ENOX2: variants seen among roughly 807,000 people sequenced by gnomAD.
ENOX2 encodes the protein APK1 antigen.
A neutral mutation model predicts 45.0 loss-of-function variants in ENOX2; 36 were observed. That is an observed-to-expected ratio of 0.80 (90% CI 0.61 to 1.06). The LOEUF is 1.06. Among genes scored for constraint, ENOX2 ranks in the 50% least tolerant of loss-of-function variants. The pLI, the probability that ENOX2 is intolerant of heterozygous loss-of-function variation, is 0.00. For missense variants in ENOX2, 423 were observed against 462.5 expected (o/e 0.91, Z 0.78); for synonymous variants, 174 against 152.3 (o/e 1.14, Z -1.05).
intron 3 of ENOX2, among the ~76,000 whole-genome samples, chrX:130,725,411 G>A (rs2038581639): frequency 9.4e-6 from 1 of 106,858 alleles, no homozygotes; most frequent in East Asian, 3.0e-4. Flanking sequence ...ATAACATGGA[G>A]CTCTCCCTTC....
intron 3 of ENOX2, among the ~76,000 whole-genome samples, chrX:130,782,899 G>T (rs974008014): frequency 1.8e-5 from 2 of 111,232 alleles, no homozygotes; most frequent in African/African-American, 6.5e-5. Context: ...GAGGGATTGG[G>T]GTAGGAGAAA....
intron 2 of ENOX2, among the ~76,000 whole-genome samples, chrX:130,869,707 C>T (rs1297783351): frequency 8.9e-6 from 1 of 112,065 alleles, no homozygotes; most frequent in African/African-American, 3.2e-5. Context: ...TTCCCTCTGA[C>T]TGAAATTCTT....
At chrX:130,778,824 C>A (rs913670864) in intron 3 of ENOX2, among the ~76,000 whole-genome samples, 21 of 112,302 alleles carry the variant, frequency 1.9e-4, no homozygotes, top group African/African-American at 6.1e-4. Context: ...TCAACCCAGG[C>A]TTATAGAGAA....
At chrX:130,630,548 T>C (rs2035670984) in intron 13 of ENOX2, among the ~76,000 whole-genome samples, 3 of 111,481 alleles carry the variant, frequency 2.7e-5, no homozygotes, top group African/African-American at 9.8e-5. Context: ...TACATCAAGA[T>C]GCGCACCCAA....
At chrX:130,756,288 C>G (rs963847591) in intron 3 of ENOX2, among the ~76,000 whole-genome samples, 5 of 112,242 alleles carry the variant, frequency 4.5e-5, no homozygotes, top group Non-Finnish European at 7.5e-5. Context: ...GGATATTGTA[C>G]TTTGCTTCAA....
intron 2 of ENOX2, among the ~76,000 whole-genome samples, chrX:130,857,474 C>G (rs773759086): frequency 8.9e-6 from 1 of 112,247 alleles, no homozygotes; most frequent in Non-Finnish European, 1.9e-5. Context: ...GTTCTAAGGG[C>G]TGTGAGGAAA....
At chrX:130,740,762 G>A (rs1229594736) in intron 3 of ENOX2, among the ~76,000 whole-genome samples, 1 of 112,097 alleles carries the variant, frequency 8.9e-6, no homozygotes, top group African/African-American at 3.2e-5. Flanking sequence ...AGGGCTGTCT[G>A]CCTTTCATAA....
chrX:130,651,875 T>C (rs919027393), intron 10 of ENOX2, among the ~76,000 whole-genome samples: 3 of 111,569 alleles, frequency 2.7e-5, no homozygotes, highest in Non-Finnish European at 1.9e-5. Context: ...TGAATATGGA[T>C]CCCTTCCCTT....
chrX:130,885,018 A>G lies in ENOX2; in HGVS notation c.-183+16666T>C, dbSNP rs764943333. Among the ~76,000 whole-genome samples, 8 of 112,338 alleles carry G rather than the reference A, an allele frequency of 7.1e-5. No homozygotes were observed. The East Asian group carries it at 2.0e-3, about 27-fold the overall frequency. ...ATAGACAACATTTTGCTTCCCCAAA[A>G]TTTCACAAAGCTCTACTTTCATTCA... On this transcript the variant is annotated intron_variant, in intron 2 of 14. Transcript: ENST00000394363.
intron 3 of ENOX2, among the ~76,000 whole-genome samples, chrX:130,731,373 G>A (rs2038734988): frequency 8.9e-6 from 1 of 112,023 alleles, no homozygotes; most frequent in South Asian, 3.7e-4. Context: ...TAGTTTTGGA[G>A]ATGTGGATAG....
intron 2 of ENOX2, among the ~76,000 whole-genome samples, chrX:130,852,891 A>C (rs771147008): frequency 1.8e-5 from 2 of 111,556 alleles, no homozygotes; most frequent in South Asian, 3.8e-4. Flanking sequence ...ATTACAACAA[A>C]AAAAATATAT....
At chrX:130,881,022 G>GA (rs1390246440) in intron 2 of ENOX2, among the ~76,000 whole-genome samples, 1 of 112,364 alleles carries the variant, frequency 8.9e-6, no homozygotes, top group Non-Finnish European at 1.9e-5. Flanking sequence ...ACCTGTAAGA[G>GA]AATTACTCCT....
chrX:130,700,457 G>T (rs1291277814), intron 4 of ENOX2, among the ~76,000 whole-genome samples: 2 of 111,956 alleles, frequency 1.8e-5, no homozygotes, highest in African/African-American at 6.5e-5. Flanking sequence ...ACAAGATGTG[G>T]AGAAGGGGGC....
At chrX:130,680,893 T>C (rs965239498) in intron 5 of ENOX2, among the ~76,000 whole-genome samples, 3 of 112,393 alleles carry the variant, frequency 2.7e-5, no homozygotes, top group Non-Finnish European at 5.6e-5. Flanking sequence ...TCCTTGGGTA[T>C]CAGGATCTCT....
intron 12 of ENOX2, among the ~76,000 whole-genome samples, chrX:130,632,749 T>TTG (rs1414673182): frequency 8.9e-6 from 1 of 112,005 alleles, no homozygotes; most frequent in Non-Finnish European, 1.9e-5. Flanking sequence ...AGACATGTTG[T>TTG]TGTGTGAATT....
intron 2 of ENOX2, among the ~76,000 whole-genome samples, chrX:130,841,583 T>C (rs1462381722): frequency 9.0e-6 from 1 of 111,731 alleles, no homozygotes; most frequent in African/African-American, 3.3e-5. Context: ...CTTGTTGCTG[T>C]CCCTCAACTG....
rs1207875537 is a variant in ENOX2, at chrX:130,623,532, A to T, written c.*1782T>A. 9.0e-6 allele frequency: 1 copy of T among 111,708 alleles called. No individual in the cohort carries two copies. Among genetic ancestry groups the T allele is most frequent in the Non-Finnish European group, 1.9e-5 (1 of 53,227 alleles). The allele number at this position is 111,708 out of a possible 1,213,427, so 9.2% of individuals were successfully genotyped here. The stretch of plus-strand genomic sequence containing the variant: ...TTTTTCCTACTGCTCTCCCCTAAAA[A>T]TTAATTTAGTTTATTTAAACAAGAA... On this transcript the variant is annotated 3_prime_UTR_variant, in exon 15 of 15. Transcript: ENST00000394363.
At chrX:130,667,989 T>C (rs1244656209) in intron 7 of ENOX2, among the ~76,000 whole-genome samples, 1 of 110,382 alleles carries the variant, frequency 9.1e-6, no homozygotes, top group Non-Finnish European at 1.9e-5. Context: ...AGAGAAATGT[T>C]TCCTTGAAAA....
At chrX:130,872,283 AATT>A (rs2078609652) in intron 2 of ENOX2, among the ~76,000 whole-genome samples, 1 of 112,668 alleles carries the variant, frequency 8.9e-6, no homozygotes, top group African/African-American at 3.2e-5. Flanking sequence ...TTGCTTAAAA[AATT>A]CTCATGGATG....
Sources: allele counts gnomAD v4.1 joint callset (sites outside exome capture counted in the v4.1 genomes callset), GRCh38; gene constraint gnomAD v4.1.1; transcripts MANE v1.5; gene names NCBI Gene and HGNC (gene_info 2026-07-23, HGNC 2026-07-21).